Variants in KCNG3 observed in about 807,000 individuals in gnomAD.
KCNG3 encodes potassium voltage-gated channel modifier subfamily G member 3.
KCNG3 carries 15 observed loss-of-function variants against 29.0 expected under a neutral mutation model. That is an observed-to-expected ratio of 0.52 (90% CI 0.35 to 0.80). KCNG3 has a LOEUF of 0.80. Among genes scored for constraint, KCNG3 ranks in the 30% least tolerant of loss-of-function variants. KCNG3 has a pLI of 0.01. For missense variants in KCNG3, 512 were observed against 605.7 expected (o/e 0.85, Z 1.62); for synonymous variants, 322 against 248.9 (o/e 1.29, Z -2.76).
chr2:42,433,388 G>GT, the KCNG3 span, among the ~76,000 whole-genome samples: 1 of 152,136 alleles, frequency 6.6e-6, no homozygotes, highest in Non-Finnish European at 1.5e-5. Flanking sequence ...AAACTGGTGT[G>GT]TGAGTCGGTG....
At chr2:42,463,257 C>T (rs1014631360) in intron 1 of KCNG3, 8 of 311,006 alleles carry the variant, frequency 2.6e-5, no homozygotes, top group Non-Finnish European at 3.7e-5. Context: ...GTACCCTAAA[C>T]CTATCAGGCT....
At chr2:42,461,621 G>T (rs1673019987) in intron 1 of KCNG3, among the ~76,000 whole-genome samples, 1 of 152,100 alleles carries the variant, frequency 6.6e-6, no homozygotes. Flanking sequence ...TCCACTCCGG[G>T]TGGGCCCCCT....
At chr2:42,420,345 C>T in the KCNG3 span, among the ~76,000 whole-genome samples, 2 of 152,200 alleles carry the variant, frequency 1.3e-5, no homozygotes, top group Non-Finnish European at 2.9e-5. Flanking sequence ...TACTTAACTA[C>T]CCTGAGACAG....
chr2:42,445,812 T>C (rs1197773388), intron 1 of KCNG3, among the ~76,000 whole-genome samples: 3 of 151,988 alleles, frequency 2.0e-5, no homozygotes, highest in Admixed American at 6.6e-5. Context: ...CTGCAACCTC[T>C]GCCTCCCGGG....
At chr2:42,449,962 A>G (rs1672709037) in intron 1 of KCNG3, among the ~76,000 whole-genome samples, 2 of 152,184 alleles carry the variant, frequency 1.3e-5, no homozygotes, top group African/African-American at 4.8e-5. Context: ...TGAACTTGAC[A>G]TCAGAGGCTC....
At chr2:42,409,925 T>C in the KCNG3 span, among the ~76,000 whole-genome samples, 1 of 152,066 alleles carries the variant, frequency 6.6e-6, no homozygotes, top group East Asian at 1.9e-4. Context: ...AGTCATTTCA[T>C]GAAGCTTACA....
intron 1 of KCNG3, among the ~76,000 whole-genome samples, chr2:42,469,177 G>C (rs1016111414): frequency 1.3e-5 from 2 of 151,960 alleles, no homozygotes; most frequent in Non-Finnish European, 2.9e-5. Context: ...CCAGCACTTT[G>C]GGAGGCCGAG....
intron 1 of KCNG3, among the ~76,000 whole-genome samples, chr2:42,458,160 A>G (rs1672924763): frequency 6.6e-6 from 1 of 152,134 alleles, no homozygotes; most frequent in Non-Finnish European, 1.5e-5. Flanking sequence ...ATGTGGCAGG[A>G]CAACGATAAT....
the KCNG3 span, among the ~76,000 whole-genome samples, chr2:42,402,617 T>C: frequency 6.6e-6 from 1 of 152,258 alleles, no homozygotes; most frequent in Non-Finnish European, 1.5e-5. Context: ...ATTTTATCTT[T>C]TTATAGAAAG....
At chr2:42,420,152 A>C in the KCNG3 span, among the ~76,000 whole-genome samples, 1 of 152,118 alleles carries the variant, frequency 6.6e-6, no homozygotes, top group Non-Finnish European at 1.5e-5. Context: ...TGAACCCGGG[A>C]AGCAGAGGTT....
the KCNG3 span, among the ~76,000 whole-genome samples, chr2:42,403,781 T>C: frequency 2.6e-5 from 4 of 151,764 alleles, no homozygotes; most frequent in Non-Finnish European, 4.4e-5. Flanking sequence ...TTTAGTTTTT[T>C]GTAGAGATGA....
chr2:42,489,346 A>G (rs1673814771), intron 1 of KCNG3, among the ~76,000 whole-genome samples: 1 of 152,102 alleles, frequency 6.6e-6, no homozygotes. Context: ...GCTTGATCGC[A>G]CCACTGCACT....
At chr2:42,407,033 AC>A in the KCNG3 span, among the ~76,000 whole-genome samples, 1 of 152,122 alleles carries the variant, frequency 6.6e-6, no homozygotes, top group Non-Finnish European at 1.5e-5. Flanking sequence ...TTAAAAAAAA[AC>A]AAAACACAAA....
At chr2:42,406,261 C>A in the KCNG3 span, among the ~76,000 whole-genome samples, 1 of 151,640 alleles carries the variant, frequency 6.6e-6, no homozygotes, top group Non-Finnish European at 1.5e-5. Context: ...CTCTTGTTGC[C>A]CAGTCTGGAG....
chr2:42,491,526 T>C (rs1338674078), intron 1 of KCNG3, among the ~76,000 whole-genome samples: 1 of 152,210 alleles, frequency 6.6e-6, no homozygotes, highest in Non-Finnish European at 1.5e-5. Flanking sequence ...TTTATGTATT[T>C]AGGTAAATAA....
At chr2:42,404,274 C>G in the KCNG3 span, among the ~76,000 whole-genome samples, 1 of 150,400 alleles carries the variant, frequency 6.6e-6, no homozygotes, top group Admixed American at 6.6e-5. Flanking sequence ...TGATAGTATT[C>G]TTTTCATCAG....
chr2:42,395,557 A>G, the KCNG3 span, among the ~76,000 whole-genome samples: 3 of 152,192 alleles, frequency 2.0e-5, no homozygotes, highest in East Asian at 3.8e-4. Flanking sequence ...GTGTTGGACA[A>G]TGTCCTTATT....
chr2:42,411,780 A>G, the KCNG3 span, among the ~76,000 whole-genome samples: 2 of 152,034 alleles, frequency 1.3e-5, no homozygotes, highest in African/African-American at 4.8e-5. Flanking sequence ...ACTGCGCCCA[A>G]CCAGGTCTCA....
chr2:42,418,685 T>C, the KCNG3 span, among the ~76,000 whole-genome samples: 3 of 152,202 alleles, frequency 2.0e-5, no homozygotes, highest in Non-Finnish European at 4.4e-5. Flanking sequence ...TAAAAACATG[T>C]ATCATAAATT....
Sources: allele counts gnomAD v4.1 joint callset (sites outside exome capture counted in the v4.1 genomes callset), GRCh38; gene constraint gnomAD v4.1.1; transcripts MANE v1.5; gene names NCBI Gene and HGNC (gene_info 2026-07-23, HGNC 2026-07-21).